The following AFG2A variants were observed in gnomAD, a reference collection of about 807,000 sequenced individuals.
AFG2A encodes the protein AAA ATPase AFG2A, also known as ATPase family gene 2 protein homolog A.
the AFG2A span, among the ~76,000 whole-genome samples, chr4:123,128,238 AC>A: frequency 2.3e-4 from 35 of 152,252 alleles, no homozygotes; most frequent in African/African-American, 7.2e-4. Flanking sequence ...CCGTTTATTA[AC>A]TTTTCATGCG....
chr4:123,240,927 G>A, the AFG2A span, among the ~76,000 whole-genome samples: 2 of 151,772 alleles, frequency 1.3e-5, no homozygotes, highest in Admixed American at 1.3e-4. Flanking sequence ...TGAAATAGAC[G>A]CAATAAAAAA....
At chr4:123,247,431 A>T in the AFG2A span, among the ~76,000 whole-genome samples, 1 of 151,712 alleles carries the variant, frequency 6.6e-6, no homozygotes, top group Non-Finnish European at 1.5e-5. Flanking sequence ...AGGGTAATTG[A>T]TCTTTTGTTT....
the AFG2A span, among the ~76,000 whole-genome samples, chr4:122,987,959 A>G: frequency 6.6e-6 from 1 of 152,008 alleles, no homozygotes; most frequent in Admixed American, 6.5e-5. Flanking sequence ...AACTTGATGA[A>G]CTGGCTCTAG....
the AFG2A span, among the ~76,000 whole-genome samples, chr4:123,018,040 A>AT: frequency 6.6e-6 from 1 of 151,310 alleles, no homozygotes. Flanking sequence ...TTTTCTATTT[A>AT]TTTTTAACCT....
chr4:123,005,351 A>G, the AFG2A span, among the ~76,000 whole-genome samples: 3 of 152,196 alleles, frequency 2.0e-5, no homozygotes, highest in East Asian at 1.9e-4. Flanking sequence ...GGTTTTCGCC[A>G]TGTTAGCTGG....
chr4:122,943,160 G>C, the AFG2A span, among the ~76,000 whole-genome samples: 1 of 152,172 alleles, frequency 6.6e-6, no homozygotes, highest in Non-Finnish European at 1.5e-5. Flanking sequence ...TCCACTTGTT[G>C]CAGAGCTGAG....
At chr4:123,211,818 T>C in the AFG2A span, among the ~76,000 whole-genome samples, 1 of 151,908 alleles carries the variant, frequency 6.6e-6, no homozygotes, top group Middle Eastern at 3.2e-3. Flanking sequence ...TTCTAGGTGG[T>C]AGCTTTAAGA....
At chr4:123,083,544 T>C in the AFG2A span, among the ~76,000 whole-genome samples, 1 of 151,320 alleles carries the variant, frequency 6.6e-6, no homozygotes, top group Non-Finnish European at 1.5e-5. Context: ...CACTTTATAA[T>C]GGTATATAAT....
At chr4:123,100,132 A>G in the AFG2A span, among the ~76,000 whole-genome samples, 1 of 151,828 alleles carries the variant, frequency 6.6e-6, no homozygotes, top group Non-Finnish European at 1.5e-5. Flanking sequence ...TGATACACTG[A>G]CACCTGTTGT....
the AFG2A span, among the ~76,000 whole-genome samples, chr4:122,954,111 C>A: frequency 6.6e-6 from 1 of 152,204 alleles, no homozygotes; most frequent in Admixed American, 6.5e-5. Flanking sequence ...CATCTGGCCA[C>A]GCTTCATTGC....
At chr4:123,173,250 G>C in the AFG2A span, among the ~76,000 whole-genome samples, 8 of 145,996 alleles carry the variant, frequency 5.5e-5, no homozygotes, top group Non-Finnish European at 1.0e-4. Context: ...AATTCCAAAA[G>C]ATAGCACAAG....
chr4:123,302,446 T>C, the AFG2A span, among the ~76,000 whole-genome samples: 2 of 152,162 alleles, frequency 1.3e-5, no homozygotes, highest in African/African-American at 4.8e-5. Context: ...TTTTAGTCCA[T>C]AGTAGACAAT....
At chr4:123,007,275 A>G in the AFG2A span, among the ~76,000 whole-genome samples, 7 of 152,074 alleles carry the variant, frequency 4.6e-5, no homozygotes, top group South Asian at 2.1e-4. Context: ...CTAATGCCCT[A>G]TGAATTATGA....
the AFG2A span, among the ~76,000 whole-genome samples, chr4:123,103,907 A>G: frequency 6.6e-6 from 1 of 152,166 alleles, no homozygotes; most frequent in Non-Finnish European, 1.5e-5. Flanking sequence ...ACTATACACT[A>G]TACTGACATT....
the AFG2A span, among the ~76,000 whole-genome samples, chr4:123,017,293 T>G: frequency 1.3e-5 from 2 of 150,130 alleles, no homozygotes; most frequent in South Asian, 2.1e-4. Context: ...CATTTTTCTT[T>G]TTAATCAACG....
At chr4:122,940,512 A>G in the AFG2A span, among the ~76,000 whole-genome samples, 1 of 151,848 alleles carries the variant, frequency 6.6e-6, no homozygotes, top group African/African-American at 2.4e-5. Context: ...GTTTGAGTTC[A>G]TTGTAGATTC....
chr4:123,058,426 A>G, the AFG2A span, among the ~76,000 whole-genome samples: 2 of 152,216 alleles, frequency 1.3e-5, no homozygotes, highest in Admixed American at 1.3e-4. Flanking sequence ...GGAGTTTGAG[A>G]CTAGCCTGGC....
At chr4:123,286,939 A>G in the AFG2A span, among the ~76,000 whole-genome samples, 35 of 152,210 alleles carry the variant, frequency 2.3e-4, no homozygotes, top group Non-Finnish European at 3.2e-4. Context: ...ATTACTCCCC[A>G]AATCAAGCAT....
chr4:123,211,510 A>AT, the AFG2A span, among the ~76,000 whole-genome samples: 3 of 152,266 alleles, frequency 2.0e-5, no homozygotes, highest in South Asian at 4.1e-4. Flanking sequence ...AAAGACCTAT[A>AT]TTTTATAGTG....
Sources: gnomAD v4.1 joint callset for allele counts (sites outside exome capture counted in the v4.1 genomes callset) on GRCh38, gnomAD v4.1.1 for gene constraint, MANE v1.5 for transcripts, NCBI Gene and HGNC (gene_info 2026-07-23, HGNC 2026-07-21) for gene names.